Variants in ANGPT1 observed in about 807,000 individuals in gnomAD.
The protein encoded by ANGPT1 is angiopoietin 1.
ANGPT1 carries 17 observed loss-of-function variants against 62.2 expected under a neutral mutation model. The observed-to-expected ratio is 0.27, with a 90% confidence interval of 0.19 to 0.41. The LOEUF (loss-of-function observed/expected upper bound fraction) is 0.41, where lower values mean the gene tolerates loss of function less well. Among genes scored for constraint, ANGPT1 ranks in the 10% least tolerant of loss-of-function variants. The pLI is 1.00. For missense variants in ANGPT1, 478 were observed against 594.9 expected (o/e 0.80, Z 2.04); for synonymous variants, 199 against 198.9 (o/e 1.00, Z 0.00).
chr8:107,288,646 A>AT (rs905090144), intron 6 of ANGPT1, among the ~76,000 whole-genome samples: 2 of 152,148 alleles, frequency 1.3e-5, no homozygotes, highest in African/African-American at 4.8e-5. Context: ...TATAAATATG[A>AT]TGTGGAATAG....
chr8:107,464,408 C>T (rs746895429), intron 1 of ANGPT1, among the ~76,000 whole-genome samples: 13 of 151,962 alleles, frequency 8.6e-5, no homozygotes, highest in Admixed American at 2.0e-4. Flanking sequence ...TGTTTACACT[C>T]GCTGAAAATA....
rs28729418 is a variant in ANGPT1, at chr8:107,484,982, T to C, written c.297+12280A>G. The stretch of plus-strand genomic sequence containing the variant: ...CACAATAGATGGAAGATGACAAACA[T>C]GGAGACAATGAAGTGAGAAACCCTT... On this transcript the variant is annotated intron_variant, in intron 1 of 8. Transcript: ENST00000517746. Among the ~76,000 whole-genome samples, 305 of 152,280 alleles carry C rather than the reference T, an allele frequency of 2.0e-3. 1 individual carries two copies. The highest frequency in any genetic ancestry group is 7.0e-3 in the African/African-American group (289 of 41,576).
At chr8:107,426,471 A>G (rs1283700) in intron 1 of ANGPT1, among the ~76,000 whole-genome samples, 152,238 of 152,346 alleles carry the variant, frequency 1, 76,065 homozygotes, top group Middle Eastern at 1. Context: ...CTATTTAAAC[A>G]TGAAGACACA....
intron 2 of ANGPT1, among the ~76,000 whole-genome samples, chr8:107,344,069 A>G (rs1036221362): frequency 1.3e-5 from 2 of 149,014 alleles, no homozygotes; most frequent in East Asian, 3.9e-4. Flanking sequence ...TCAAAACATA[A>G]TAATAAAAGA....
At position 107,383,467 on chromosome 8, in the gene ANGPT1, A is replaced by G. The variant is rs62513160; in HGVS notation, c.298-36370T>C. Among the ~76,000 whole-genome samples the G allele has an allele frequency of 6.4e-3, 972 of 152,260 alleles. 3 individuals carry two copies. Among genetic ancestry groups the G allele is most frequent in the Non-Finnish European group, 0.01 (687 of 68,018 alleles). ...ACAGGACTTGTTCTTCTTGCACCGA[A>G]TTCCAGGTTTATCACAGCAGTAACA... On this transcript the variant is annotated intron_variant, in intron 1 of 8. Transcript: ENST00000517746.
chr8:107,448,699 C>T (rs1231109882), intron 1 of ANGPT1, among the ~76,000 whole-genome samples: 3 of 152,012 alleles, frequency 2.0e-5, no homozygotes, highest in African/African-American at 7.2e-5. Context: ...TCTCTTTATA[C>T]CCCAAATCAG....
chr8:107,402,379 G>A (rs773126769), intron 1 of ANGPT1, among the ~76,000 whole-genome samples: 15 of 152,040 alleles, frequency 9.9e-5, no homozygotes, highest in Admixed American at 7.2e-4. Flanking sequence ...CCTTAAATAC[G>A]ACAAAATATT....
intron 1 of ANGPT1, among the ~76,000 whole-genome samples, chr8:107,387,797 AAG>A (rs1397397463): frequency 6.6e-6 from 1 of 151,830 alleles, no homozygotes; most frequent in African/African-American, 2.4e-5. Flanking sequence ...GTTTTTTTTT[AAG>A]ATTAAATTTT....
At chr8:107,273,758 C>T (rs996908716) in intron 7 of ANGPT1, among the ~76,000 whole-genome samples, 20 of 151,960 alleles carry the variant, frequency 1.3e-4, no homozygotes, top group African/African-American at 4.6e-4. Context: ...CCTATCCATT[C>T]CCAACTCCAG....
chr8:107,475,121 G>A (rs11774386), intron 1 of ANGPT1, among the ~76,000 whole-genome samples: 3 of 152,032 alleles, frequency 2.0e-5, no homozygotes, highest in African/African-American at 4.8e-5. Flanking sequence ...GGGCCTGCAT[G>A]GCCAAGACAA....
At chr8:107,331,204 TAGTA>T (rs1380972084) in intron 3 of ANGPT1, among the ~76,000 whole-genome samples, 38 of 152,304 alleles carry the variant, frequency 2.5e-4, no homozygotes, top group African/African-American at 7.2e-5. Flanking sequence ...TTGCAATAAT[TAGTA>T]AGGCATAATT....
rs148498741 is a variant in ANGPT1, at chr8:107,303,497, T to C, written c.809-130A>G. 9.4e-6 allele frequency: 7 copies of C among 742,660 alleles called. No homozygotes were observed. In the East Asian group the frequency reaches 1.9e-4, roughly 20 times the overall value. The allele number at this position is 742,660 out of a possible 1,614,324, so 46.0% of individuals were successfully genotyped here. ...TGTCAATATCGCACATAGTAAAAAG[T>C]CAATCATAAAGACAATACTAGATTT... On this transcript the variant is annotated intron_variant, in intron 4 of 8. Transcript: ENST00000517746.
At chr8:107,282,731 C>A (rs1281779195) in intron 7 of ANGPT1, among the ~76,000 whole-genome samples, 2 of 151,412 alleles carry the variant, frequency 1.3e-5, no homozygotes, top group Non-Finnish European at 2.9e-5. Flanking sequence ...GTGTATGCAT[C>A]ACCCTAGCAG....
chr8:107,421,516 C>A (rs148517142), intron 1 of ANGPT1, among the ~76,000 whole-genome samples: 12 of 152,214 alleles, frequency 7.9e-5, no homozygotes, highest in African/African-American at 2.9e-4. Context: ...AAGAGAAATT[C>A]GACTTCGGTG....
At chr8:107,279,709 T>G (rs1813952431) in intron 7 of ANGPT1, among the ~76,000 whole-genome samples, 1 of 151,598 alleles carries the variant, frequency 6.6e-6, no homozygotes, top group Admixed American at 6.6e-5. Flanking sequence ...TTCTACACTT[T>G]AAAAGCTTAG....
At chr8:107,378,555 T>C (rs1280306254) in intron 1 of ANGPT1, among the ~76,000 whole-genome samples, 4 of 152,216 alleles carry the variant, frequency 2.6e-5, no homozygotes, top group Non-Finnish European at 5.9e-5. Flanking sequence ...CTTGGCTCTA[T>C]GTCCCCACTG....
At position 107,336,470 on chromosome 8, in the gene ANGPT1, C is replaced by T. The variant is rs1251947471; in HGVS notation, c.454-199G>A. On this transcript the variant is annotated intron_variant, in intron 2 of 8. Transcript: ENST00000517746. ...CACGAGGTCAAGAGATCGAGACCAT[C>T]CTGGCAAACATGGTGAAACCCCGTC... 11 of 721,332 alleles carry T rather than the reference C, an allele frequency of 1.5e-5. No homozygotes were observed. In the East Asian group the frequency reaches 3.0e-4, roughly 20 times the overall value. The allele number at this position is 721,332 out of a possible 1,614,324, so 44.7% of individuals were successfully genotyped here.
intron 1 of ANGPT1, among the ~76,000 whole-genome samples, chr8:107,409,530 T>G (rs1817216567): frequency 1.3e-5 from 2 of 152,160 alleles, no homozygotes; most frequent in Non-Finnish European, 2.9e-5. Context: ...AACAGCAGTC[T>G]GGGCTCTCAG....
At chr8:107,494,093 G>A (rs1813032949) in intron 1 of ANGPT1, among the ~76,000 whole-genome samples, 1 of 151,892 alleles carries the variant, frequency 6.6e-6, no homozygotes, top group Non-Finnish European at 1.5e-5. Flanking sequence ...TCTGTTACAA[G>A]GCATTATTGA....
Sources: gnomAD v4.1 joint callset for allele counts (sites outside exome capture counted in the v4.1 genomes callset) on GRCh38, gnomAD v4.1.1 for gene constraint, MANE v1.5 for transcripts, NCBI Gene and HGNC (gene_info 2026-07-23, HGNC 2026-07-21) for gene names.